Variants in RPGRIP1 observed in about 807,000 individuals in gnomAD.
RPGRIP1 encodes RPGR interacting protein 1, also known as X-linked retinitis pigmentosa GTPase regulator-interacting protein 1.
Under a neutral mutation model 157.9 loss-of-function variants are expected in RPGRIP1, and 128 were observed. That is an observed-to-expected ratio of 0.81 (90% confidence interval 0.70 to 0.94). The LOEUF is 0.94. Ranked by LOEUF, RPGRIP1 falls within the 40% of genes least tolerant of loss-of-function variation. The probability of loss-of-function intolerance (pLI) is 0.00; values close to 1 mark genes in which losing one functional copy is unlikely to be tolerated. For missense variants in RPGRIP1, 1,486 were observed against 1,545.8 expected (o/e 0.96, Z 0.65); for synonymous variants, 554 against 571.6 (o/e 0.97, Z 0.44).
chr14:21,338,864 T>C (rs978622458), intron 21 of RPGRIP1, among the ~76,000 whole-genome samples: 1 of 152,128 alleles, frequency 6.6e-6, no homozygotes, highest in Non-Finnish European at 1.5e-5. Context: ...ATTTGCTGGG[T>C]GTGGTGGCTC....
intron 2 of RPGRIP1, 44 bp from the exon 3 acceptor site, chr14:21,294,633 T>C (rs780057813): frequency 1.3e-6 from 2 of 1,597,712 alleles, no homozygotes. Context: ...GTTCAAAAAA[T>C]AGGTGTAAAA....
In RPGRIP1 at chr14:21,318,565, T is replaced by A. The variant is rs549554341; in HGVS notation, c.1306+715T>A. ...ATCTGGGCTCACTTCAACCTCTGCC[T>A]CCCAGGTTCAAGAGATTCTCCTGCC... is the stretch of plus-strand genomic sequence containing the variant. On this transcript the variant is annotated intron_variant, in intron 11 of 24. Coordinates refer to ENST00000400017, the MANE Select transcript of RPGRIP1 (RefSeq NM_020366.4). Among the ~76,000 whole-genome samples the A allele has an allele frequency of 1.4e-4, 21 of 152,320 alleles. No homozygotes were observed. The South Asian group carries it at 4.3e-3, about 32-fold the overall frequency.
intron 10 of RPGRIP1, among the ~76,000 whole-genome samples, chr14:21,314,618 G>A (rs1337668530): frequency 2.0e-5 from 3 of 151,022 alleles, no homozygotes; most frequent in Non-Finnish European, 2.9e-5. Flanking sequence ...CCAGCCAGGC[G>A]CGGAGAATCA....
intron 2 of RPGRIP1, 145 bp from the exon 3 acceptor site, chr14:21,294,532 G>T (rs772806100): frequency 1.0e-4 from 80 of 791,136 alleles, no homozygotes; most frequent in Non-Finnish European, 1.4e-4. Context: ...CTGGCCCAGA[G>T]TCATTTCTCA....
intron 3 of RPGRIP1, among the ~76,000 whole-genome samples, chr14:21,298,051 A>AT (rs1594170413): frequency 6.6e-6 from 1 of 152,170 alleles, no homozygotes; most frequent in East Asian, 1.9e-4. Context: ...AGTCACTCAT[A>AT]TTAACCTGGA....
chr14:21,339,988 GT>G (rs1397698218), intron 21 of RPGRIP1, among the ~76,000 whole-genome samples: 2 of 152,190 alleles, frequency 1.3e-5, no homozygotes, highest in Non-Finnish European at 2.9e-5. Context: ...AATGCGAGGA[GT>G]TGAACTAGGA....
chr14:21,317,602 G>A, intron 10 of RPGRIP1, 94 bp from the exon 11 acceptor site: 7 of 1,543,866 alleles, frequency 4.5e-6, no homozygotes, highest in Non-Finnish European at 6.1e-6. Context: ...GAGAGAATGA[G>A]GAACTAGGTC....
At chr14:21,295,453 ATTTAT>A (rs1880728915) in intron 3 of RPGRIP1, among the ~76,000 whole-genome samples, 5 of 31,788 alleles carry the variant, frequency 1.6e-4, no homozygotes, top group Admixed American at 1.2e-3. Flanking sequence ...ACATTTATTT[ATTTAT>A]TTATTTATTT....
intron 22 of RPGRIP1, 138 bp downstream of exon 22, chr14:21,343,366 TGTG>T (rs1885215769): frequency 1.4e-6 from 1 of 693,878 alleles, no homozygotes; most frequent in Non-Finnish European, 2.4e-6. Context: ...GTTGTGTGCA[TGTG>T]GTTTAAAAAC....
At chr14:21,320,436 A>G (rs1017485636) in intron 12 of RPGRIP1, among the ~76,000 whole-genome samples, 9 of 149,632 alleles carry the variant, frequency 6.0e-5, no homozygotes, top group South Asian at 4.2e-4. Flanking sequence ...GACTACAGGC[A>G]CCCGCCACCT....
chr14:21,318,489 T>G lies in RPGRIP1; in HGVS notation c.1306+639T>G, dbSNP rs187690998. Among the ~76,000 whole-genome samples the G allele has an allele frequency of 2.3e-3, 352 of 152,284 alleles. 6 individuals carry two copies. The South Asian group carries it at 0.031, about 13-fold the overall frequency. On this transcript the variant is annotated intron_variant, in intron 11 of 24. Transcript: ENST00000400017. Reference sequence around the variant, plus strand: ...TCTTTTGTTTGGTTTGGTTTGGTTTTGTTTCTGAGAGAGTCTCACTCTGTC... The same window carrying G: ...TCTTTTGTTTGGTTTGGTTTGGTTTGGTTTCTGAGAGAGTCTCACTCTGTC...
rs1366362662 is a variant in RPGRIP1, at chr14:21,300,473, CAAAT to C, written c.219-489_219-486del. Among the ~76,000 whole-genome samples the C allele has an allele frequency of 4.6e-5, 7 of 151,982 alleles. No individual in the cohort carries two copies. The East Asian group carries it at 1.4e-3, about 29-fold the overall frequency. ...AAACCATGATTTTAGGTCAAGATAA[CAAAT>C]AAAAATTGTTACTAAAAGTTATAAA... On this transcript the variant is annotated intron_variant, in intron 3 of 24. Coordinates refer to ENST00000400017, the MANE Select transcript of RPGRIP1 (RefSeq NM_020366.4).
At chr14:21,318,150 A>G (rs1228695985) in intron 11 of RPGRIP1, 2 of 525,568 alleles carry the variant, frequency 3.8e-6, no homozygotes, top group African/African-American at 3.8e-5. Flanking sequence ...CTTGTTGCTC[A>G]GGCTCGAGTG....
At chr14:21,288,698 C>T (rs1039805699) in intron 2 of RPGRIP1, among the ~76,000 whole-genome samples, 1 of 149,578 alleles carries the variant, frequency 6.7e-6, no homozygotes, top group Non-Finnish European at 1.5e-5. Context: ...ATTTTTAGTA[C>T]AGATGGGGTT....
At chr14:21,283,753 G>A (rs985848412) in intron 1 of RPGRIP1, among the ~76,000 whole-genome samples, 2 of 152,024 alleles carry the variant, frequency 1.3e-5, no homozygotes, top group Admixed American at 1.3e-4. Context: ...CACCTGCCGG[G>A]TTGAAGCGAT....
chr14:21,286,192 T>C (rs1880292211), intron 1 of RPGRIP1, among the ~76,000 whole-genome samples: 3 of 152,008 alleles, frequency 2.0e-5, no homozygotes. Context: ...GGTTTCACCA[T>C]GTTGGCCAGG....
intron 21 of RPGRIP1, among the ~76,000 whole-genome samples, chr14:21,341,006 G>A (rs1328304326): frequency 1.3e-5 from 2 of 152,134 alleles, no homozygotes; most frequent in African/African-American, 4.8e-5. Context: ...GATGTTATGG[G>A]AGGGTTATTA....
intron 20 of RPGRIP1, 74 bp downstream of exon 20, chr14:21,330,461 TTTCAAGAGCAG>T: frequency 9.2e-7 from 1 of 1,092,182 alleles, no homozygotes. Context: ...GAGATCAGGC[TTTCAAGAGCAG>T]CCTGGCCAAC....
intron 16 of RPGRIP1, 191 bp from the exon 17 acceptor site, chr14:21,325,640 G>T (rs926208482): frequency 4.7e-6 from 3 of 632,428 alleles, no homozygotes; most frequent in Non-Finnish European, 5.5e-6. Flanking sequence ...GTTAAGTCGT[G>T]AGTGCCAGTA....
Sources: gnomAD v4.1 joint callset for allele counts (sites outside exome capture counted in the v4.1 genomes callset) on GRCh38, gnomAD v4.1.1 for gene constraint, MANE v1.5 for transcripts, NCBI Gene and HGNC (gene_info 2026-07-23, HGNC 2026-07-21) for gene names.